Variants in BCL9 observed in about 807,000 individuals in gnomAD.
BCL9 encodes the protein B-cell CLL/lymphoma 9 protein.
BCL9 carries 25 observed loss-of-function variants against 88.5 expected under a neutral mutation model. That is an observed-to-expected ratio of 0.28 (90% CI 0.21 to 0.39). The LOEUF (loss-of-function observed/expected upper bound fraction) is 0.39. BCL9 is among the 10% of genes least tolerant of loss of function. BCL9 has a pLI of 1.00. For synonymous variants in BCL9, 711 were observed against 673.3 expected (o/e 1.06, Z -0.87); for missense variants, 1,817 against 1,877.8 (o/e 0.97, Z 0.60).
At chr1:147,549,688 T>C (rs1654798253) in intron 1 of BCL9, among the ~76,000 whole-genome samples, 1 of 152,170 alleles carries the variant, frequency 6.6e-6, no homozygotes, top group Non-Finnish European at 1.5e-5. Flanking sequence ...TCACTCAGGT[T>C]TCCTCTAGAA....
At chr1:147,600,237 C>G (rs1367906541) in intron 1 of BCL9, 2 of 162,408 alleles carry the variant, frequency 1.2e-5, no homozygotes, top group African/African-American at 4.8e-5. Flanking sequence ...TGCGCCGCCG[C>G]TGCCGCTGGC....
chr1:147,570,084 C>G (rs1655807312), intron 1 of BCL9, among the ~76,000 whole-genome samples: 1 of 152,178 alleles, frequency 6.6e-6, no homozygotes, highest in Admixed American at 6.5e-5. Context: ...TTAGTTTCGT[C>G]AGGCATTTAC....
chr1:147,574,995 T>C (rs587595798), intron 1 of BCL9, among the ~76,000 whole-genome samples: 2 of 152,330 alleles, frequency 1.3e-5, no homozygotes, highest in African/African-American at 4.8e-5. Context: ...TTTGTAACTT[T>C]TAAACCTTTG....
Position 147,618,808 on chromosome 1 carries a change from G to T in BCL9, c.661-8G>T, listed in dbSNP as rs201382423. 5,751 of 1,513,868 alleles carry T rather than the reference G, an allele frequency of 3.8e-3. 20 individuals carry two copies. The highest frequency in any genetic ancestry group is 4.8e-3 in the Non-Finnish European group (5,484 of 1,132,190). The allele number at this position is 1,513,868 out of a possible 1,614,324, so 93.8% of individuals were successfully genotyped here. On this transcript the variant is annotated splice_region_variant and splice_polypyrimidine_tract_variant and intron_variant, in intron 7 of 9. Coordinates refer to ENST00000234739, the MANE Select transcript of BCL9 (RefSeq NM_004326.4). The stretch of plus-strand genomic sequence containing the variant: ...CTAATGATTTTTAAACTATTTGTTT[G>T]TCTTCAGAACACACAGATATCTGCC...
chr1:147,554,737 T>C (rs587631433), intron 1 of BCL9, among the ~76,000 whole-genome samples: 4 of 152,330 alleles, frequency 2.6e-5, no homozygotes, highest in Non-Finnish European at 4.4e-5. Context: ...TTAACTTCTA[T>C]GAGACCTAGT....
At chr1:147,587,560 G>A (rs587669027) in intron 1 of BCL9, among the ~76,000 whole-genome samples, 1 of 152,296 alleles carries the variant, frequency 6.6e-6, no homozygotes, top group Admixed American at 6.5e-5. Context: ...ACCATGGCAG[G>A]AGGTCAATAA....
In BCL9 at chr1:147,615,986, G is replaced by A. The variant is rs587602727; in HGVS notation, c.660+84G>A. Reference sequence around the variant, plus strand: ...AGGAGGTGGTGAATTTAATTGATAGGAAGGTAGTCTTGATGGCATGAGTTG... The same window carrying A: ...AGGAGGTGGTGAATTTAATTGATAGAAAGGTAGTCTTGATGGCATGAGTTG... On this transcript the variant is annotated intron_variant, in intron 7 of 9. Transcript: ENST00000234739. 580 of 1,346,096 alleles carry A rather than the reference G, an allele frequency of 4.3e-4. 1 individual carries two copies. Among genetic ancestry groups the A allele is most frequent in the Non-Finnish European group, 5.4e-4 (523 of 960,218 alleles). 83.4% of individuals were successfully genotyped at this position (1,346,096 alleles called of 1,614,324 possible).
At chr1:147,599,612 G>A (rs1657244040) in intron 1 of BCL9, among the ~76,000 whole-genome samples, 1 of 152,082 alleles carries the variant, frequency 6.6e-6, no homozygotes, top group Non-Finnish European at 1.5e-5. Flanking sequence ...CCGCCCCGCC[G>A]GCCCCTCAGG....
chr1:147,570,427 C>T (rs1486376636), intron 1 of BCL9, among the ~76,000 whole-genome samples: 1 of 152,116 alleles, frequency 6.6e-6, no homozygotes, highest in African/African-American at 2.4e-5. Context: ...CTAGATTTGA[C>T]AATTTGAAGC....
chr1:147,564,441 G>A (rs368495077), intron 1 of BCL9, among the ~76,000 whole-genome samples: 2 of 151,994 alleles, frequency 1.3e-5, no homozygotes, highest in African/African-American at 2.4e-5. Context: ...AGGTTGTACT[G>A]CCCGTGAAAG....
chr1:147,547,191 T>G (rs782471891), intron 1 of BCL9, among the ~76,000 whole-genome samples: 1 of 152,152 alleles, frequency 6.6e-6, no homozygotes, highest in Non-Finnish European at 1.5e-5. Context: ...TGTGTATGTG[T>G]GTATAAAATA....
intron 3 of BCL9, among the ~76,000 whole-genome samples, 177 bp downstream of exon 3, chr1:147,607,043 C>T (rs1657747372): frequency 6.6e-6 from 1 of 152,188 alleles, no homozygotes; most frequent in African/African-American, 2.4e-5. Context: ...TCTGCTTCTA[C>T]TACCAACTTT....
chr1:147,541,963 G>A (rs587634045), intron 1 of BCL9, among the ~76,000 whole-genome samples: 120 of 152,212 alleles, frequency 7.9e-4, no homozygotes, highest in African/African-American at 2.8e-3. Flanking sequence ...GAGAGGGAGC[G>A]CGAGAGAGGG....
At chr1:147,556,826 T>C (rs587632367) in intron 1 of BCL9, among the ~76,000 whole-genome samples, 5 of 152,324 alleles carry the variant, frequency 3.3e-5, no homozygotes, top group African/African-American at 1.2e-4. Context: ...TCCTGCTCAA[T>C]ATGACATCTG....
intron 2 of BCL9, among the ~76,000 whole-genome samples, chr1:147,605,449 A>G (rs998371794): frequency 6.6e-6 from 1 of 152,256 alleles, no homozygotes; most frequent in Admixed American, 6.5e-5. Context: ...CTGTGCTGAA[A>G]TAATATTTTG....
chr1:147,592,358 C>T (rs1361539651), intron 1 of BCL9, among the ~76,000 whole-genome samples: 1 of 152,202 alleles, frequency 6.6e-6, no homozygotes, highest in Non-Finnish European at 1.5e-5. Flanking sequence ...CCTCAGAAAG[C>T]CCTCTGAGTA....
Position 147,621,030 on chromosome 1 carries a change from C to T in BCL9, c.2875C>T (p.Pro959Ser), listed in dbSNP as rs781980536. 2.0e-5 allele frequency: 33 copies of T among 1,613,788 alleles called. No individual in the cohort carries two copies. The South Asian group carries it at 3.5e-4, about 17-fold the overall frequency. The change falls in exon 8 of 10, where the codon CCA (proline) becomes TCA (serine). Residue 959 changes from proline (P) to serine (S), a missense_variant. Around this residue, in one of 2 missense-constraint regions of BCL9, gnomAD observed 589 missense variants for 686.2 expected, o/e 0.86. Coordinates refer to ENST00000234739, the MANE Select transcript of BCL9 (RefSeq NM_004326.4). ...TAAAGCACCCCTCACCATGGCCTCC[C>T]CAGCCATGCTGGGAAATGTAGAGTC... ...NHKAPLTMAS[P>S]AMLGNVESGG...
chr1:147,581,733 T>C (rs587626984), intron 1 of BCL9, among the ~76,000 whole-genome samples: 1 of 152,276 alleles, frequency 6.6e-6, no homozygotes, highest in South Asian at 2.1e-4. Flanking sequence ...TCAGAACTTT[T>C]TTTTCTTCCT....
intron 1 of BCL9, among the ~76,000 whole-genome samples, chr1:147,580,061 C>T (rs997781989): frequency 1.4e-4 from 21 of 152,140 alleles, no homozygotes; most frequent in East Asian, 7.7e-4. Context: ...TTTGCCTAAG[C>T]GATGTACAAC....
Sources: allele counts gnomAD v4.1 joint callset (sites outside exome capture counted in the v4.1 genomes callset), GRCh38; gene constraint gnomAD v4.1.1; regional missense constraint gnomAD v4.1.1; transcripts MANE v1.5; gene names NCBI Gene and HGNC (gene_info 2026-07-23, HGNC 2026-07-21).